Variants in ANKRD28 observed in about 807,000 individuals in gnomAD.
The protein encoded by ANKRD28 is ankyrin repeat domain 28, also known as serine/threonine-protein phosphatase 6 regulatory ankyrin repeat subunit A.
ANKRD28 carries 44 observed loss-of-function variants against 126.5 expected under a neutral mutation model. That is an observed-to-expected ratio of 0.35 (90% CI 0.27 to 0.45). ANKRD28 has a LOEUF of 0.45. Among genes scored for constraint, ANKRD28 ranks in the 20% least tolerant of loss-of-function variants. The pLI is 1.00. For synonymous variants in ANKRD28, 442 were observed against 468.5 expected, an observed-to-expected ratio of 0.94 and a Z score of 0.73; for missense variants, 1,110 against 1,316.6, an observed-to-expected ratio of 0.84 and a Z score of 2.43.
upstream of ANKRD28, among the ~76,000 whole-genome samples, chr3:15,800,888 G>T (rs1040948958): frequency 3.9e-5 from 6 of 152,068 alleles, no homozygotes; most frequent in African/African-American, 1.4e-4. Context: ...TAGCAGCACT[G>T]TTTTGTGTCT....
upstream of ANKRD28, among the ~76,000 whole-genome samples, chr3:15,798,595 T>C (rs145164373): frequency 5.3e-5 from 8 of 152,212 alleles, no homozygotes; most frequent in African/African-American, 1.9e-4. Flanking sequence ...TAATCCTACC[T>C]TCCCATTTGG....
intron 14 of ANKRD28, among the ~76,000 whole-genome samples, chr3:15,704,434 A>G (rs2071068000): frequency 6.6e-6 from 1 of 152,236 alleles, no homozygotes; most frequent in African/African-American, 2.4e-5. Context: ...TAAAAATTCC[A>G]AAGTATAAAC....
At chr3:15,733,880 T>C (rs1210813232) in intron 6 of ANKRD28, among the ~76,000 whole-genome samples, 2 of 152,242 alleles carry the variant, frequency 1.3e-5, no homozygotes, top group African/African-American at 4.8e-5. Context: ...ATTATAGGCA[T>C]AGGATTTCCC....
intron 5 of ANKRD28, 74 bp from the exon 6 acceptor site, chr3:15,735,571 TAC>T (rs771615647): frequency 1.2e-5 from 14 of 1,177,494 alleles, no homozygotes; most frequent in Non-Finnish European, 1.6e-5. Flanking sequence ...TTCTGACAGT[TAC>T]TTATCTCAAC....
chr3:15,839,100 G>C lies in ANKRD28; in HGVS notation c.27+20277C>G. 6.6e-6 allele frequency among the ~76,000 whole-genome samples: 1 copy of C among 152,148 alleles called. No individual in the cohort carries two copies. Among genetic ancestry groups the C allele is most frequent in the East Asian group, 1.9e-4 (1 of 5,196 alleles). On this transcript the variant is annotated intron_variant, in intron 1 of 27. Transcript: ENST00000399451. This position sits in a 1 kb window ranked among gnomAD's most constrained non-coding sequence, Gnocchi z 4.3. The stretch of plus-strand genomic sequence containing the variant: ...TATTCAATGGTGGCCTGGGGCTGGA[G>C]GTGGGACTAGGAGTAACTGCAAAGT...
chr3:15,751,031 GA>G (rs879285787), intron 4 of ANKRD28, among the ~76,000 whole-genome samples: 295 of 139,488 alleles, frequency 2.1e-3, no homozygotes, highest in African/African-American at 3.5e-3. Flanking sequence ...TAAAATAACA[GA>G]AAAAAAAAAA....
At chr3:15,722,397 G>A (rs1446367640) in intron 7 of ANKRD28, among the ~76,000 whole-genome samples, 1 of 152,224 alleles carries the variant, frequency 6.6e-6, no homozygotes, top group African/African-American at 2.4e-5. Flanking sequence ...ACTCCGTGAA[G>A]AGTGGACAAG....
Position 15,670,397 on chromosome 3 carries a change from A to C in ANKRD28, c.3125T>G (p.Phe1042Cys). Reference sequence around the variant, plus strand: ...ATTCCTCATGATGGGCAAAGCTTCAAAGCTGACTGTTTTTGAGGTGTTGGT... The same window carrying C: ...ATTCCTCATGATGGGCAAAGCTTCACAGCTGACTGTTTTTGAGGTGTTGGT... The part of the protein sequence containing the change: ...RYTNTSKTVS[F>C]EALPIMRNEP... Residue 1042 changes from phenylalanine to cysteine, a missense_variant, in exon 28 of 28, where the codon TTT becomes TGT. By Grantham distance (205) the Phe-to-Cys change is radical (BLOSUM62 -2). Coordinates refer to ENST00000683139, the MANE Select transcript of ANKRD28 (RefSeq NM_001349278.2). The C allele has an allele frequency of 1.2e-6, 2 of 1,614,006 alleles. No homozygotes were observed. Among genetic ancestry groups the C allele is most frequent in the Non-Finnish European group, 1.7e-6 (2 of 1,179,878 alleles).
chr3:15,823,923 C>T (rs1022689155), intron 1 of ANKRD28, among the ~76,000 whole-genome samples: 1 of 150,956 alleles, frequency 6.6e-6, no homozygotes, highest in Non-Finnish European at 1.5e-5. Context: ...TGATAAAGAT[C>T]GTTTATTTAA....
At chr3:15,687,566 G>A (rs183602525) in intron 18 of ANKRD28, among the ~76,000 whole-genome samples, 65 of 152,182 alleles carry the variant, frequency 4.3e-4, no homozygotes, top group Middle Eastern at 6.8e-3. Flanking sequence ...AGAAAAGAAC[G>A]TCTATCACTA....
chr3:15,683,811 A>G (rs2067799012), intron 21 of ANKRD28: 2 of 152,240 alleles, frequency 1.3e-5, no homozygotes, highest in Non-Finnish European at 2.9e-5. Context: ...CTTTAACTTG[A>G]TAACTTTGTC....
At chr3:15,841,495 C>G (rs915056879) in intron 1 of ANKRD28, among the ~76,000 whole-genome samples, 3 of 152,062 alleles carry the variant, frequency 2.0e-5, no homozygotes, top group Non-Finnish European at 4.4e-5. Context: ...AAGAGACAAC[C>G]CATAGAATGG....
upstream of ANKRD28, among the ~76,000 whole-genome samples, chr3:15,801,088 T>C (rs531824267): frequency 3.4e-4 from 51 of 152,232 alleles, no homozygotes; most frequent in African/African-American, 1.2e-3. This position sits in a 1 kb window ranked among gnomAD's most constrained non-coding sequence, Gnocchi z 4.9. Flanking sequence ...GTTATTTTCT[T>C]TGGTACTTAT....
chr3:15,686,344 A>G, intron 18 of ANKRD28, 35 bp from the exon 19 acceptor site: 1 of 1,441,754 alleles, frequency 6.9e-7, no homozygotes, highest in Non-Finnish European at 9.5e-7. Flanking sequence ...CAGTAATTAC[A>G]TATAATGATA....
intron 1 of ANKRD28, among the ~76,000 whole-genome samples, chr3:15,806,122 G>A (rs1450416723): frequency 6.6e-6 from 1 of 152,154 alleles, no homozygotes; most frequent in African/African-American, 2.4e-5. Context: ...AAGAAGGAAG[G>A]TATGTTTGTA....
intron 4 of ANKRD28, among the ~76,000 whole-genome samples, chr3:15,750,851 T>A (rs1025143858): frequency 5.9e-5 from 9 of 152,172 alleles, no homozygotes; most frequent in Admixed American, 1.3e-4. Context: ...AACCTCACAA[T>A]TTGAATAACT....
intron 1 of ANKRD28, among the ~76,000 whole-genome samples, chr3:15,832,683 A>G (rs573148502): frequency 1.3e-5 from 2 of 152,254 alleles, no homozygotes; most frequent in South Asian, 4.1e-4. Flanking sequence ...TTTAGCTCCC[A>G]TTTAGAAGTG....
intron 3 of ANKRD28, among the ~76,000 whole-genome samples, chr3:15,762,208 AAAAAACAAAAC>A (rs1559489119): frequency 1.0e-3 from 34 of 33,202 alleles, no homozygotes; most frequent in African/African-American, 2.0e-3. Flanking sequence ...AAAAAAAAAA[AAAAAACAAAAC>A]AAAAAAAAAA....
intron 15 of ANKRD28, among the ~76,000 whole-genome samples, chr3:15,695,499 T>C (rs1282774344): frequency 6.6e-6 from 1 of 152,192 alleles, no homozygotes; most frequent in African/African-American, 2.4e-5. Flanking sequence ...TCTTGTTTTA[T>C]ATCTACGCTC....
Sources: gnomAD v4.1 joint callset for allele counts (sites outside exome capture counted in the v4.1 genomes callset) on GRCh38, gnomAD v4.1.1 for gene constraint, Gnocchi (gnomAD v3.1) non-coding constraint, MANE v1.5 for transcripts, NCBI Gene and HGNC (gene_info 2026-07-23, HGNC 2026-07-21) for gene names.